GTF2F1: variants seen among roughly 807,000 people sequenced by gnomAD.
GTF2F1 encodes the protein general transcription factor IIF subunit 1, also known as general transcription factor IIF 74 kDa subunit.
In GTF2F1, 39 loss-of-function variants were observed where a neutral mutation model predicts 63.5. That is an observed-to-expected ratio of 0.61 (90% confidence interval 0.48 to 0.80). The LOEUF is 0.80. GTF2F1 is among the 30% of genes least tolerant of loss of function. The pLI, the probability that GTF2F1 is intolerant of heterozygous loss-of-function variation, is 0.00. For missense variants in GTF2F1, 657 were observed against 718.3 expected, an observed-to-expected ratio of 0.91 and a Z score of 0.97; for synonymous variants, 287 against 285.3, an observed-to-expected ratio of 1.01 and a Z score of -0.06.
Position 6,381,430 on chromosome 19 carries a change from G to A in GTF2F1, c.947C>T (p.Pro316Leu), listed in dbSNP as rs774276549. ...DSSEESEEEK[P>L]PEEDKEEEEE... is the part of the protein sequence containing the mutation. ...CTCCTCCTCCTTGTCCTCCTCAGGC[G>A]GCTTCTCCTCCTCACTCTCCTCACT... is the stretch of plus-strand genomic sequence containing the variant. Residue 316 changes from proline (P) to leucine (L), a missense_variant, in exon 9 of 13, where the codon CCG (proline) becomes CTG (leucine). Transcript: ENST00000394456. This position sits in a 1 kb window ranked among gnomAD's most constrained non-coding sequence, Gnocchi z 4.1. The A allele has an allele frequency of 1.2e-5, 20 of 1,610,050 alleles. No individual in the cohort carries two copies. Among genetic ancestry groups the A allele is most frequent in the Admixed American group, 6.7e-5 (4 of 59,950 alleles).
chr19:6,383,386 T>G lies in GTF2F1; in HGVS notation c.607A>C (p.Ser203Arg), dbSNP rs774972600. 6.2e-7 allele frequency: 1 copy of G among 1,614,244 alleles called. No individual in the cohort carries two copies. The highest frequency in any genetic ancestry group is 1.7e-5 in the Admixed American group (1 of 60,028). The change falls in exon 6 of 13, where the codon AGC (serine) becomes CGC (arginine). Residue 203 changes from serine to arginine, a missense_variant. Physicochemically the swap from Ser to Arg is moderately radical, Grantham distance 110. Transcript: ENST00000394456. This position sits in a 1 kb window ranked among gnomAD's most constrained non-coding sequence, Gnocchi z 4.5. ...EKEKRGRRKA[S>R]ELRIHDLEDD... ...TCCAGGTCGTGGATGCGCAGCTCGC[T>G]CGCCTTCCTGCGGCCACGTTTCTCC...
Position 6,383,604 on chromosome 19 carries a change from G to A in GTF2F1, c.498-109C>T. On this transcript the variant is annotated intron_variant, in intron 5 of 12. Transcript: ENST00000394456. This position sits in a 1 kb window ranked among gnomAD's most constrained non-coding sequence, Gnocchi z 4.5. ...ACCCACATAGCCTTCAAGGTGATGT[G>A]GCCCCCGGGGACTTGGGCTGTGGCA... is the stretch of plus-strand genomic sequence containing the variant. 2 of 1,165,496 alleles carry A rather than the reference G, an allele frequency of 1.7e-6. No homozygotes were observed. Among genetic ancestry groups the A allele is most frequent in the South Asian group, 1.4e-5 (1 of 72,188 alleles). The allele number at this position is 1,165,496 out of a possible 1,614,324, so 72.2% of individuals were successfully genotyped here. A position where few individuals can be genotyped will look rare whatever the true frequency, so the allele number is the denominator to read the frequency against.
chr19:6,392,015 A>C (rs1001551416), intron 2 of GTF2F1, 41 bp from the exon 3 acceptor site: 4 of 979,426 alleles, frequency 4.1e-6, no homozygotes, highest in Admixed American at 2.1e-5. Flanking sequence ...CCAATACAGC[A>C]ATTCAATCAT....
chr19:6,384,173 T>C (rs1004252061), intron 5 of GTF2F1, among the ~76,000 whole-genome samples: 2 of 151,928 alleles, frequency 1.3e-5, no homozygotes, highest in African/African-American at 2.4e-5. Context: ...ATTGGAACAA[T>C]GTAACGTTGT....
At position 6,379,914 on chromosome 19, in the gene GTF2F1, A is replaced by G. The variant is rs755189944; in HGVS notation, c.*367T>C. On this transcript the variant is annotated 3_prime_UTR_variant, in exon 13 of 13. Transcript: ENST00000394456. ...GAAGACTTACTGGGCTATGTGGTGG[A>G]TAAGTCACAGCTGAAGAGAGACTTA... The G allele has an allele frequency of 2.2e-5, 7 of 312,566 alleles. No individual in the cohort carries two copies. Among genetic ancestry groups the G allele is most frequent in the African/African-American group, 4.3e-5 (2 of 47,016 alleles). The allele number at this position is 312,566 out of a possible 1,614,324, so 19.4% of individuals were successfully genotyped here. A position where few individuals can be genotyped will look rare whatever the true frequency, so the allele number is the denominator to read the frequency against.
In GTF2F1 at chr19:6,379,741, C is replaced by CT. The variant is rs11359697; in HGVS notation, c.*539dup. Reference sequence around the variant, plus strand: ...AGGCTCCCGCCACCATGCCTGGCTACTTTTTTTTTTTTTTTGTGCCAGGAT... The same window carrying CT: ...AGGCTCCCGCCACCATGCCTGGCTACTTTTTTTTTTTTTTTTGTGCCAGGAT... On this transcript the variant is annotated 3_prime_UTR_variant, in exon 13 of 13. Transcript: ENST00000394456. 244 of 142,234 alleles carry CT rather than the reference C, an allele frequency of 1.7e-3. No individual in the cohort carries two copies. Among genetic ancestry groups the CT allele is most frequent in the South Asian group, 3.3e-3 (15 of 4,606 alleles). 8.8% of individuals were successfully genotyped at this position (142,234 alleles called of 1,614,324 possible).
intron 3 of GTF2F1, among the ~76,000 whole-genome samples, chr19:6,391,441 T>G (rs988603184): frequency 8.9e-5 from 5 of 56,164 alleles, no homozygotes; most frequent in Middle Eastern, 6.3e-3. Context: ...CCATTTCCGT[T>G]TTTTTTTTTT....
rs903671825 is a variant in GTF2F1, at chr19:6,383,650, C to T, written c.498-155G>A. ...TGGCACAGGACTCCCTGAAACCACACGGATAGAGCCAGCCCTTCCTGCCTT... is the reference window on the plus strand; with the variant it reads ...TGGCACAGGACTCCCTGAAACCACATGGATAGAGCCAGCCCTTCCTGCCTT... On this transcript the variant is annotated intron_variant, in intron 5 of 12. Coordinates refer to ENST00000394456, the MANE Select transcript of GTF2F1 (RefSeq NM_002096.3). The surrounding 1 kb of genome is among the most constrained non-coding windows in gnomAD (Gnocchi z 4.5). Among the ~76,000 whole-genome samples, 1 of 152,202 alleles carries T rather than the reference C, an allele frequency of 6.6e-6. No individual in the cohort carries two copies. Among genetic ancestry groups the T allele is most frequent in the African/African-American group, 2.4e-5 (1 of 41,438 alleles).
rs2091961353 is a variant in GTF2F1, at chr19:6,383,355, T to C, written c.638A>G (p.Asp213Gly). 6.2e-7 allele frequency: 1 copy of C among 1,614,062 alleles called. No individual in the cohort carries two copies. Among genetic ancestry groups the C allele is most frequent in the African/African-American group, 1.3e-5 (1 of 74,962 alleles). ...ACTGGCATCGGACGACATCTCCAGGTCGTCCTCCAGGTCGTGGATGCGCAG... is the reference window on the plus strand; with the variant it reads ...ACTGGCATCGGACGACATCTCCAGGCCGTCCTCCAGGTCGTGGATGCGCAG... The part of the protein sequence containing the change: ...SELRIHDLED[D>G]LEMSSDASDA... Residue 213 changes from aspartate to glycine, a missense_variant, in exon 6 of 13, where the codon GAC becomes GGC. Asp to Gly is a moderately conservative substitution (Grantham distance 94, BLOSUM62 -1). Transcript: ENST00000394456. This position sits in a 1 kb window ranked among gnomAD's most constrained non-coding sequence, Gnocchi z 4.5.
chr19:6,392,568 C>T (rs1454400851), intron 2 of GTF2F1, among the ~76,000 whole-genome samples: 1 of 152,194 alleles, frequency 6.6e-6, no homozygotes, highest in African/African-American at 2.4e-5. Context: ...TGAAACAGGA[C>T]GAGGAATATG....
In GTF2F1 at chr19:6,380,338, T is replaced by C; in HGVS notation, c.1497A>G (p.Arg499=). Residue 499 remains arginine (R), a synonymous_variant, in exon 13 of 13, where the codon CGA becomes CGG. Coordinates refer to ENST00000394456, the MANE Select transcript of GTF2F1 (RefSeq NM_002096.3). The surrounding 1 kb of genome is among the most constrained non-coding windows in gnomAD (Gnocchi z 5.3). ...TGATCATCTTGCGCTCGGGGTTGAGTCGCTTGAGGATCTGGGCCAACACGT... is the reference window on the plus strand; with the variant it reads ...TGATCATCTTGCGCTCGGGGTTGAGCCGCTTGAGGATCTGGGCCAACACGT... The part of the protein sequence containing the change: ...TVNVLAQILK[R]LNPERKMIND... The C allele has an allele frequency of 6.2e-7, 1 of 1,614,042 alleles. No homozygotes were observed. Among genetic ancestry groups the C allele is most frequent in the South Asian group, 1.1e-5 (1 of 91,076 alleles).
In GTF2F1 at chr19:6,380,825, C is replaced by T. The variant is rs939565132; in HGVS notation, c.1231+79G>A. 3.3e-6 allele frequency: 5 copies of T among 1,501,810 alleles called. No homozygotes were observed. Among genetic ancestry groups the T allele is most frequent in the Non-Finnish European group, 4.5e-6 (5 of 1,122,308 alleles). 93.0% of individuals were successfully genotyped at this position (1,501,810 alleles called of 1,614,324 possible). Reference sequence around the variant, plus strand: ...CAGGCCTCCACCCGCATCTCCATCCCCTCTCTGTCCTGAGCCCCAACAGAG... The same window carrying T: ...CAGGCCTCCACCCGCATCTCCATCCTCTCTCTGTCCTGAGCCCCAACAGAG... On this transcript the variant is annotated intron_variant, in intron 11 of 12. Coordinates refer to ENST00000394456, the MANE Select transcript of GTF2F1 (RefSeq NM_002096.3). The surrounding 1 kb of genome is among the most constrained non-coding windows in gnomAD (Gnocchi z 5.3).
chr19:6,388,325 C>G (rs1480092628), intron 4 of GTF2F1, among the ~76,000 whole-genome samples: 2 of 152,216 alleles, frequency 1.3e-5, no homozygotes, highest in Non-Finnish European at 2.9e-5. Context: ...CTACCTCATT[C>G]TTTTCTACCC....
intron 3 of GTF2F1, among the ~76,000 whole-genome samples, chr19:6,391,470 T>C (rs2091997547): frequency 7.6e-6 from 1 of 132,146 alleles, no homozygotes; most frequent in Non-Finnish European, 1.6e-5. Flanking sequence ...TTTTTTTTTT[T>C]GAGGCAGGGT....
At chr19:6,391,531 C>T (rs117649210) in intron 3 of GTF2F1, among the ~76,000 whole-genome samples, 8,464 of 145,142 alleles carry the variant, frequency 0.058, 330 homozygotes, top group Non-Finnish European at 0.088. Flanking sequence ...TAGCTCACTG[C>T]AGCCTTGAAC....
At chr19:6,391,741 C>T (rs1301582144) in intron 3 of GTF2F1, among the ~76,000 whole-genome samples, 161 bp downstream of exon 3, 3 of 152,124 alleles carry the variant, frequency 2.0e-5, no homozygotes, top group Non-Finnish European at 4.4e-5. Context: ...GTGTGAACTA[C>T]TGCACCCAAC....
At position 6,383,959 on chromosome 19, in the gene GTF2F1, G is replaced by A. The variant is rs1356358189; in HGVS notation, c.498-464C>T. 6.7e-6 allele frequency among the ~76,000 whole-genome samples: 1 copy of A among 150,194 alleles called. No individual in the cohort carries two copies. Among genetic ancestry groups the A allele is most frequent in the Non-Finnish European group, 1.5e-5 (1 of 67,474 alleles). Reference sequence around the variant, plus strand: ...TTCCAGGCGCCTGCCACCACGCCCAGCTAATTTTTTTTTTTTTTTGTATTT... The same window carrying A: ...TTCCAGGCGCCTGCCACCACGCCCAACTAATTTTTTTTTTTTTTTGTATTT... On this transcript the variant is annotated intron_variant, in intron 5 of 12. Transcript: ENST00000394456. The surrounding 1 kb of genome is among the most constrained non-coding windows in gnomAD (Gnocchi z 4.5).
chr19:6,383,558 G>T lies in GTF2F1; in HGVS notation c.498-63C>A. On this transcript the variant is annotated intron_variant, in intron 5 of 12. Coordinates refer to ENST00000394456, the MANE Select transcript of GTF2F1 (RefSeq NM_002096.3). This position sits in a 1 kb window ranked among gnomAD's most constrained non-coding sequence, Gnocchi z 4.5. Reference sequence around the variant, plus strand: ...GCACCACCCTGCATCTGTGCTTGCAGGGGGCGAGCCCCAGGGCACCACCCA... The same window carrying T: ...GCACCACCCTGCATCTGTGCTTGCATGGGGCGAGCCCCAGGGCACCACCCA... 1 of 1,559,942 alleles carries T rather than the reference G, an allele frequency of 6.4e-7. No homozygotes were observed. The highest frequency in any genetic ancestry group is 8.8e-7 in the Non-Finnish European group (1 of 1,142,416).
intron 2 of GTF2F1, 53 bp downstream of exon 2, chr19:6,392,804 G>C (rs913600453): frequency 6.5e-7 from 1 of 1,549,246 alleles, no homozygotes; most frequent in Non-Finnish European, 8.9e-7. Flanking sequence ...AGATCGTGAA[G>C]GTTTTCATTT....
Sources: gnomAD v4.1 joint callset for allele counts (sites outside exome capture counted in the v4.1 genomes callset) on GRCh38, gnomAD v4.1.1 for gene constraint, Gnocchi (gnomAD v3.1) non-coding constraint, MANE v1.5 for transcripts, NCBI Gene and HGNC (gene_info 2026-07-23, HGNC 2026-07-21) for gene names.